The following TMTC2 variants were observed in gnomAD, a reference collection of about 807,000 sequenced individuals.
TMTC2 encodes the protein transmembrane O-mannosyltransferase targeting cadherins 2, also known as protein O-mannosyl-transferase TMTC2.
In TMTC2, 43 loss-of-function variants were observed where a neutral mutation model predicts 82.4. The observed-to-expected ratio is 0.52, with a 90% CI of 0.41 to 0.67. TMTC2 has a LOEUF of 0.67. Among genes scored for constraint, TMTC2 ranks in the 30% least tolerant of loss-of-function variants. The probability of loss-of-function intolerance (pLI) is 0.00; values close to 1 mark genes in which losing one functional copy is unlikely to be tolerated. For missense variants in TMTC2, 919 were observed against 1,012.4 expected, an observed-to-expected ratio of 0.91 and a Z score of 1.25; for synonymous variants, 408 against 381.9, an observed-to-expected ratio of 1.07 and a Z score of -0.80.
At chr12:83,084,036 C>G (rs1592735888) in intron 11 of TMTC2, among the ~76,000 whole-genome samples, 1 of 152,126 alleles carries the variant, frequency 6.6e-6, no homozygotes, top group African/African-American at 2.4e-5. Flanking sequence ...TTGGTTCTCC[C>G]CATCTCTCTG....
chr12:83,046,415 C>T (rs753654993), intron 9 of TMTC2, among the ~76,000 whole-genome samples: 3 of 152,204 alleles, frequency 2.0e-5, no homozygotes, highest in Admixed American at 6.5e-5. Context: ...TGAAATTCTG[C>T]GGTTGGTGCC....
chr12:82,916,415 G>A (rs925059451), intron 3 of TMTC2, among the ~76,000 whole-genome samples: 1 of 151,810 alleles, frequency 6.6e-6, no homozygotes, highest in Non-Finnish European at 1.5e-5. Context: ...TAGGGACATA[G>A]GGCAAAATTG....
intron 3 of TMTC2, among the ~76,000 whole-genome samples, chr12:82,905,066 CAATA>C (rs1455614713): frequency 1.3e-5 from 2 of 150,056 alleles, no homozygotes; most frequent in East Asian, 3.9e-4. Flanking sequence ...TAGTAGGGGT[CAATA>C]AATATACAAT....
At chr12:83,015,794 G>A (rs1880651262) in intron 8 of TMTC2, among the ~76,000 whole-genome samples, 1 of 152,174 alleles carries the variant, frequency 6.6e-6, no homozygotes, top group African/African-American at 2.4e-5. Flanking sequence ...ACACTGTAAT[G>A]CTGGGACTTG....
chr12:83,045,729 A>ACG (rs1398297531), intron 9 of TMTC2, among the ~76,000 whole-genome samples: 46 of 145,784 alleles, frequency 3.2e-4, no homozygotes, highest in South Asian at 8.7e-4. Flanking sequence ...ACACACACGC[A>ACG]CACACACACA....
intron 9 of TMTC2, among the ~76,000 whole-genome samples, chr12:83,043,940 A>G (rs1329855017): frequency 6.6e-6 from 1 of 152,224 alleles, no homozygotes; most frequent in Non-Finnish European, 1.5e-5. Context: ...AAATTAAAAT[A>G]TATTTGAAGG....
intron 9 of TMTC2, among the ~76,000 whole-genome samples, chr12:83,038,114 A>G (rs1007165524): frequency 1.8e-4 from 24 of 130,724 alleles, no homozygotes; most frequent in East Asian, 9.5e-4. Flanking sequence ...AGGAAGGGGA[A>G]CATCACACAC....
At chr12:82,867,079 G>A (rs1388223993) in intron 2 of TMTC2, among the ~76,000 whole-genome samples, 1 of 152,168 alleles carries the variant, frequency 6.6e-6, no homozygotes, top group Admixed American at 6.5e-5. Context: ...TGATGATTTG[G>A]TGGTAGGAAG....
chr12:82,953,129 C>A (rs1044810359), intron 4 of TMTC2, among the ~76,000 whole-genome samples: 8 of 152,140 alleles, frequency 5.3e-5, no homozygotes, highest in Non-Finnish European at 4.4e-5. Flanking sequence ...GGACTTCTGC[C>A]TTACAGCTAG....
intron 11 of TMTC2, among the ~76,000 whole-genome samples, chr12:83,098,576 T>C (rs568581042): frequency 6.6e-6 from 1 of 152,226 alleles, no homozygotes; most frequent in African/African-American, 2.4e-5. Context: ...AAAAATACCC[T>C]TTGACATAGC....
intron 3 of TMTC2, among the ~76,000 whole-genome samples, chr12:82,913,122 C>A (rs1189594111): frequency 6.6e-6 from 1 of 152,038 alleles, no homozygotes; most frequent in Non-Finnish European, 1.5e-5. Context: ...TTTAAAATTA[C>A]TTTTTGTTCT....
chr12:82,954,944 A>G (rs1877537259), intron 4 of TMTC2, among the ~76,000 whole-genome samples: 1 of 152,186 alleles, frequency 6.6e-6, no homozygotes, highest in African/African-American at 2.4e-5. Context: ...AGACTTTTTA[A>G]TGAAAAATAA....
chr12:83,031,846 G>A (rs1397391107), intron 9 of TMTC2, among the ~76,000 whole-genome samples: 1 of 152,064 alleles, frequency 6.6e-6, no homozygotes. Context: ...TTTACTTTAT[G>A]TTATTGTGTG....
At chr12:82,821,842 C>T (rs1179246564) in intron 1 of TMTC2, among the ~76,000 whole-genome samples, 1 of 149,494 alleles carries the variant, frequency 6.7e-6, no homozygotes, top group Non-Finnish European at 1.5e-5. Flanking sequence ...GCCGAGATCG[C>T]GCCACTACAC....
At chr12:83,073,503 C>T (rs1016262784) in intron 11 of TMTC2, among the ~76,000 whole-genome samples, 20 of 152,080 alleles carry the variant, frequency 1.3e-4, no homozygotes, top group Non-Finnish European at 1.5e-5. Context: ...CTTTGTGTTT[C>T]TTGTATTTGA....
Position 83,122,151 on chromosome 12 carries a change from T to C in TMTC2, c.2332-10059T>C, listed in dbSNP as rs115614529. On this transcript the variant is annotated intron_variant, in intron 11 of 11. Transcript: ENST00000321196. ...CAAGCAGGGCTGAGAACTTACCCCATGCTACCCGCTTCCCAGCTATGAAAG... is the reference window on the plus strand; with the variant it reads ...CAAGCAGGGCTGAGAACTTACCCCACGCTACCCGCTTCCCAGCTATGAAAG... Among the ~76,000 whole-genome samples, 1,029 of 151,980 alleles carry C rather than the reference T, an allele frequency of 6.8e-3. 7 individuals carry two copies. Among genetic ancestry groups the C allele is most frequent in the African/African-American group, 0.023 (967 of 41,438 alleles).
At chr12:82,967,057 C>T in intron 7 of TMTC2, 60 bp downstream of exon 7, 1 of 1,311,534 alleles carries the variant, frequency 7.6e-7, no homozygotes, top group Non-Finnish European at 1.1e-6. Flanking sequence ...GAAACAGGAA[C>T]CCATGTTCGT....
In TMTC2 at chr12:82,857,130, C is replaced by T; in HGVS notation, c.204C>T (p.Leu68=). 1 of 1,614,162 alleles carries T rather than the reference C, an allele frequency of 6.2e-7. No homozygotes were observed. The highest frequency in any genetic ancestry group is 1.1e-5 in the South Asian group (1 of 91,088). The change falls in exon 2 of 12, where the codon CTC becomes CTT. Residue 68 remains leucine (L), a synonymous_variant. Transcript: ENST00000321196. ...GCAGCCACAAGTCCTACCGGCCACT[C>T]TGCACTCTTTCTTTTCGCCTGAACC... ...HSGSHKSYRP[L]CTLSFRLNHA...
intron 9 of TMTC2, among the ~76,000 whole-genome samples, chr12:83,046,481 G>A (rs1358860165): frequency 6.6e-6 from 1 of 152,084 alleles, no homozygotes; most frequent in Non-Finnish European, 1.5e-5. Context: ...TCTAAAGCTA[G>A]AGACTAATGA....
Sources: allele counts gnomAD v4.1 joint callset (sites outside exome capture counted in the v4.1 genomes callset), GRCh38; gene constraint gnomAD v4.1.1; transcripts MANE v1.5; gene names NCBI Gene and HGNC (gene_info 2026-07-23, HGNC 2026-07-21).